The following F5 variants were observed in gnomAD, a reference collection of about 807,000 sequenced individuals.
The protein encoded by F5 is activated protein c cofactor.
In F5, 138 loss-of-function variants were observed where a neutral mutation model predicts 216.4. That is an observed-to-expected ratio of 0.64 (90% CI 0.56 to 0.73). The LOEUF (loss-of-function observed/expected upper bound fraction) is 0.73, where lower values mean the gene tolerates loss of function less well. F5 is among the 30% of genes least tolerant of loss of function. F5 has a pLI of 0.00. For synonymous variants in F5, 916 were observed against 930.7 expected (o/e 0.98, Z 0.29); for missense variants, 2,403 against 2,674.0 (o/e 0.90, Z 2.24).
rs1283764842 is a variant in F5, at chr1:169,517,336, C to G, written c.6345+1076G>C. ...AACATTCTGTGATTCCATATTGGGCCAGAATGAGTTTCAAGACACAGATAT... is the reference window on the plus strand; with the variant it reads ...AACATTCTGTGATTCCATATTGGGCGAGAATGAGTTTCAAGACACAGATAT... On this transcript the variant is annotated intron_variant, in intron 23 of 24. Coordinates refer to ENST00000367797, the MANE Select transcript of F5 (RefSeq NM_000130.5). Among the ~76,000 whole-genome samples, 6 of 152,106 alleles carry G rather than the reference C, an allele frequency of 3.9e-5. No homozygotes were observed. In the East Asian group the frequency reaches 1.2e-3, roughly 29 times the overall value.
chr1:169,543,258 A>G (rs1659914246), intron 12 of F5, 144 bp from the exon 13 acceptor site: 1 of 713,734 alleles, frequency 1.4e-6, no homozygotes, highest in Non-Finnish European at 2.4e-6. Flanking sequence ...CTTGTCTGTG[A>G]CCTATTGATT....
At chr1:169,536,182 C>T (rs1327070242) in intron 14 of F5, among the ~76,000 whole-genome samples, 1 of 152,110 alleles carries the variant, frequency 6.6e-6, no homozygotes, top group Non-Finnish European at 1.5e-5. Context: ...CCACCACCAC[C>T]ACTGCTATGA....
rs1659353571 is a variant in F5 at position 169,523,291 on chromosome 1, A to G, written c.5954T>C (p.Leu1985Pro). Residue 1985 changes from leucine (L) to proline (P), a missense_variant, in exon 21 of 25, where the codon CTG (leucine) becomes CCG (proline). Leu to Pro is a moderately conservative substitution (Grantham distance 98). Around this residue, in one of 4 missense-constraint regions of F5, gnomAD observed 659 missense variants for 787.9 expected, o/e 0.84. Transcript: ENST00000367797. ...GAACTCTGTGGTATAGCAGGACTTC[A>G]GGTAGTGTTTGGCACCTTGGGTCTG... ...GIQTQGAKHYLKSCYTTEFYV... is the reference protein window; with the variant it reads ...GIQTQGAKHYPKSCYTTEFYV... 2.5e-6 allele frequency: 4 copies of G among 1,613,986 alleles called. No homozygotes were observed. The highest frequency in any genetic ancestry group is 1.3e-5 in the African/African-American group (1 of 74,928).
rs9332572 is a variant in F5, at chr1:169,558,744, T to G, written c.730+409A>C. 4.8e-3 allele frequency among the ~76,000 whole-genome samples: 737 copies of G among 152,162 alleles called. 2 individuals carry two copies. The highest frequency in any genetic ancestry group is 0.014 in the African/African-American group (573 of 41,510). On this transcript the variant is annotated intron_variant, in intron 5 of 24. Coordinates refer to ENST00000367797, the MANE Select transcript of F5 (RefSeq NM_000130.5). ...CTTCTGTCACCTTTTGAAATGCTGG[T>G]TTTTTTTGTGTGTTGAGGATTACTC...
At chr1:169,554,849 C>T (rs1660272681) in intron 7 of F5, among the ~76,000 whole-genome samples, 1 of 152,176 alleles carries the variant, frequency 6.6e-6, no homozygotes, top group Admixed American at 6.5e-5. Context: ...ATCTCTTAAT[C>T]TCTCAGACCC....
Position 169,514,522 on chromosome 1 carries a change from G to GC in F5, c.6529-64_6529-63insG, listed in dbSNP as rs1557902872. 4 of 1,458,866 alleles carry GC rather than the reference G, an allele frequency of 2.7e-6. No homozygotes were observed. In the African/African-American group the frequency reaches 4.3e-5, roughly 16 times the overall value. The allele number at this position is 1,458,866 out of a possible 1,614,324, so 90.4% of individuals were successfully genotyped here. A position where few individuals can be genotyped will look rare whatever the true frequency, so the allele number is the denominator to read the frequency against. Reference sequence around the variant, plus strand: ...TAAATGGCTAAGGTTTTTTGTTTTTGTTTTTTTTTAGACAGGGTCTTATTC... The same window carrying GC: ...TAAATGGCTAAGGTTTTTTGTTTTTGCTTTTTTTTTAGACAGGGTCTTATTC... On this transcript the variant is annotated intron_variant, in intron 24 of 24. Coordinates refer to ENST00000367797, the MANE Select transcript of F5 (RefSeq NM_000130.5).
chr1:169,565,618 C>T (rs1660581819), intron 3 of F5, among the ~76,000 whole-genome samples: 2 of 152,100 alleles, frequency 1.3e-5, no homozygotes, highest in South Asian at 4.1e-4. Flanking sequence ...ACTGGTTTCT[C>T]TTTAAAAAAC....
chr1:169,576,841 A>G (rs1206547834), intron 2 of F5, among the ~76,000 whole-genome samples: 2 of 152,154 alleles, frequency 1.3e-5, no homozygotes, highest in African/African-American at 2.4e-5. Flanking sequence ...GTTTGTTGGC[A>G]TCACATGCCT....
At chr1:169,552,836 A>G (rs2101827377) in intron 7 of F5, 102 bp from the exon 8 acceptor site, 2 of 855,282 alleles carry the variant, frequency 2.3e-6, no homozygotes, top group East Asian at 2.5e-5. Flanking sequence ...AGATTAGCTA[A>G]CATACTAGTT....
intron 3 of F5, among the ~76,000 whole-genome samples, chr1:169,569,392 T>C (rs1245720989): frequency 1.3e-5 from 2 of 152,138 alleles, no homozygotes; most frequent in Admixed American, 6.6e-5. Context: ...ATGCAACTCA[T>C]ATATTTAAAA....
At position 169,542,286 on chromosome 1, in the gene F5, T is replaced by A. The variant is rs966478297; in HGVS notation, c.2804A>T (p.Lys935Ile). ...CAAAATCTTAGATGAGTTACTTTGTTTTAAGAGTAACAGATCACTAGGAGG... is the reference window on the plus strand; with the variant it reads ...CAAAATCTTAGATGAGTTACTTTGTATTAAGAGTAACAGATCACTAGGAGG... ...KDPPSDLLLL[K>I]QSNSSKILVG... The change falls in exon 13 of 25, where the codon AAA becomes ATA. Residue 935 changes from lysine to isoleucine, a missense_variant. Physicochemically the swap from Lys to Ile is moderately radical, Grantham distance 102. Coordinates refer to ENST00000367797, the MANE Select transcript of F5 (RefSeq NM_000130.5). 4.3e-6 allele frequency: 7 copies of A among 1,614,080 alleles called. No individual in the cohort carries two copies. The highest frequency in any genetic ancestry group is 5.9e-6 in the Non-Finnish European group (7 of 1,179,982).
intron 22 of F5, 85 bp downstream of exon 22, chr1:169,520,435 C>A (rs1659269865): frequency 6.4e-6 from 10 of 1,556,334 alleles, no homozygotes; most frequent in Non-Finnish European, 8.9e-6. Flanking sequence ...CTGAAAAGAA[C>A]TAAAAATTCT....
rs1005936556 is a variant in F5 at position 169,528,073 on chromosome 1, C to G, written c.5441G>C (p.Ser1814Thr). The G allele has an allele frequency of 6.8e-6, 11 of 1,613,876 alleles. No homozygotes were observed. The highest frequency in any genetic ancestry group is 8.5e-6 in the Non-Finnish European group (10 of 1,179,830). The part of the protein sequence containing the change: ...EFHAINGMIY[S>T]LPGLKMYEQE... ...CTCATACATTTTCAGGCCAGGCAAG[C>G]TGTAGATCATCCCATTAATGGCTGA... The change falls in exon 17 of 25, where the codon AGC becomes ACC. Residue 1814 changes from serine (S) to threonine (T), a missense_variant. Coordinates refer to ENST00000367797, the MANE Select transcript of F5 (RefSeq NM_000130.5).
At chr1:169,544,005 G>A (rs1027615303) in intron 12 of F5, among the ~76,000 whole-genome samples, 13 of 152,098 alleles carry the variant, frequency 8.5e-5, no homozygotes, top group Non-Finnish European at 1.5e-4. Context: ...CTCTTTTGTG[G>A]CCAAAATATT....
At chr1:169,536,417 C>A in intron 14 of F5, 89 bp downstream of exon 14, 2 of 1,061,002 alleles carry the variant, frequency 1.9e-6, no homozygotes, top group East Asian at 2.4e-5. Flanking sequence ...AACAAATCAC[C>A]TATAGCTCTC....
In F5 at chr1:169,541,716, T is replaced by C. The variant is rs1193886936; in HGVS notation, c.3374A>G (p.Glu1125Gly). The C allele has an allele frequency of 6.2e-7, 1 of 1,614,030 alleles. No homozygotes were observed. Residue 1125 changes from glutamate (E) to glycine (G), a missense_variant, in exon 13 of 25, where the codon GAA becomes GGA. By Grantham distance (98) the Glu-to-Gly change is moderately conservative. Transcript: ENST00000367797. ...PGLYQTVPPEEHYQTFPIQDP... is the reference protein window; with the variant it reads ...PGLYQTVPPEGHYQTFPIQDP... ...TTGAATGGGGAATGTTTGATAGTGT[T>C]CCTCTGGGGGCACTGTCTGATAAAG...
intron 4 of F5, 128 bp downstream of exon 4, chr1:169,560,426 T>C: frequency 9.8e-6 from 8 of 816,884 alleles, no homozygotes; most frequent in Non-Finnish European, 1.4e-5. Context: ...AATGATCTGG[T>C]CTCCGTGCCG....
intron 18 of F5, among the ~76,000 whole-genome samples, 192 bp from the exon 19 acceptor site, chr1:169,525,100 T>C (rs1659411469): frequency 6.6e-6 from 1 of 152,190 alleles, no homozygotes; most frequent in African/African-American, 2.4e-5. Flanking sequence ...TTAATAGATA[T>C]AGTGGCATCC....
At position 169,540,325 on chromosome 1, in the gene F5, T is replaced by C; in HGVS notation, c.4765A>G (p.Ile1589Val). ...ACAAATTCTGAATAATCCCAGGATA[T>C]TTCTTCAGCAGCAATGTAATAATTT... ...RRNYYIAAEE[I>V]SWDYSEFVQR... The change falls in exon 13 of 25, where the codon ATA (isoleucine) becomes GTA (valine). Residue 1589 changes from isoleucine (I) to valine (V), a missense_variant. By Grantham distance (29) the Ile-to-Val change is conservative. Coordinates refer to ENST00000367797, the MANE Select transcript of F5 (RefSeq NM_000130.5). 6.2e-7 allele frequency: 1 copy of C among 1,613,928 alleles called. No homozygotes were observed. The highest frequency in any genetic ancestry group is 8.5e-7 in the Non-Finnish European group (1 of 1,179,868).
Sources: gnomAD v4.1 joint callset for allele counts (sites outside exome capture counted in the v4.1 genomes callset) on GRCh38, gnomAD v4.1.1 for gene constraint, gnomAD v4.1.1 regional missense constraint, MANE v1.5 for transcripts, NCBI Gene and HGNC (gene_info 2026-07-23, HGNC 2026-07-21) for gene names.